The following ROBO2 variants were observed in gnomAD, a reference collection of about 807,000 sequenced individuals.
ROBO2 encodes the protein roundabout homolog 2.
A neutral mutation model predicts 160.8 loss-of-function variants in ROBO2; 53 were observed. The ratio of observed to expected loss-of-function variants is 0.33; its 90% confidence interval spans 0.26 to 0.41. The LOEUF (loss-of-function observed/expected upper bound fraction) is 0.41. Ranked by LOEUF, ROBO2 falls within the 10% of genes least tolerant of loss-of-function variation. The pLI is 1.00. For missense variants in ROBO2, 1,577 were observed against 1,722.4 expected (o/e 0.92, Z 1.49); for synonymous variants, 664 against 611.7 (o/e 1.09, Z -1.26).
chr3:76,041,154 G>A (rs1161081909), intron 2 of ROBO2, among the ~76,000 whole-genome samples: 1 of 152,018 alleles, frequency 6.6e-6, no homozygotes, highest in African/African-American at 2.4e-5. Context: ...CTGAGGCTAA[G>A]GAGATGTGTA....
intron 2 of ROBO2, among the ~76,000 whole-genome samples, chr3:76,060,188 A>G (rs912633923): frequency 3.3e-5 from 5 of 152,148 alleles, no homozygotes; most frequent in African/African-American, 9.7e-5. Flanking sequence ...CCATGCTCTT[A>G]TAATCCAAAA....
At chr3:76,777,956 C>CATAG in intron 2 of ROBO2, among the ~76,000 whole-genome samples, 1 of 151,024 alleles carries the variant, frequency 6.6e-6, no homozygotes. Context: ...AATAAGTTAC[C>CATAG]ATAGGCCCCT....
At chr3:77,129,918 C>A (rs567541649) in intron 2 of ROBO2, among the ~76,000 whole-genome samples, 31 of 152,214 alleles carry the variant, frequency 2.0e-4, no homozygotes, top group African/African-American at 7.5e-4. Context: ...CACTGGTTGT[C>A]ACATAAAATC....
intron 2 of ROBO2, among the ~76,000 whole-genome samples, chr3:76,067,038 A>G (rs546958781): frequency 6.6e-6 from 1 of 152,266 alleles, no homozygotes; most frequent in Admixed American, 6.5e-5. Context: ...CTCCAGCTCA[A>G]TGACTGTAGG....
At chr3:76,183,282 T>A (rs913849350) in intron 2 of ROBO2, among the ~76,000 whole-genome samples, 1 of 152,222 alleles carries the variant, frequency 6.6e-6, no homozygotes, top group South Asian at 2.1e-4. Flanking sequence ...CTGCAAGGCA[T>A]CTTATCACCT....
chr3:76,851,587 T>A lies in ROBO2; in HGVS notation c.110-246427T>A, dbSNP rs375845706. Reference sequence around the variant, plus strand: ...CGTCTCTACTAAAAATACAAAAAATTAGCCGGGCGCGGTGGCGGGCGCCTG... The same window carrying A: ...CGTCTCTACTAAAAATACAAAAAATAAGCCGGGCGCGGTGGCGGGCGCCTG... On this transcript the variant is annotated intron_variant, in intron 2 of 26. Coordinates refer to the ROBO2 transcript ENST00000487694. Among the ~76,000 whole-genome samples, 10 of 149,548 alleles carry A rather than the reference T, an allele frequency of 6.7e-5. No individual in the cohort carries two copies. The East Asian group carries it at 1.2e-3, about 18-fold the overall frequency.
At position 77,458,150 on chromosome 3, in the gene ROBO2, G is replaced by A. The variant is rs926841906; in HGVS notation, c.389-19264G>A. 2.0e-5 allele frequency among the ~76,000 whole-genome samples: 3 copies of A among 152,114 alleles called. No individual in the cohort carries two copies. The East Asian group carries it at 5.8e-4, about 29-fold the overall frequency. Reference sequence around the variant, plus strand: ...AAAAATTAGAGAGGGTAAATAACTTGCTCCAAATGGCATAGCTGTTAAGCA... The same window carrying A: ...AAAAATTAGAGAGGGTAAATAACTTACTCCAAATGGCATAGCTGTTAAGCA... On this transcript the variant is annotated intron_variant, in intron 2 of 25. Coordinates refer to ENST00000461745, the Ensembl canonical transcript of ROBO2.
chr3:76,691,903 G>A (rs561669954), intron 2 of ROBO2, among the ~76,000 whole-genome samples: 3 of 152,264 alleles, frequency 2.0e-5, no homozygotes, highest in South Asian at 4.1e-4. Context: ...GAACAATCAC[G>A]AGTGGAGAAG....
chr3:76,557,091 T>C (rs1374816514), intron 2 of ROBO2, among the ~76,000 whole-genome samples: 2 of 152,096 alleles, frequency 1.3e-5, no homozygotes, highest in Non-Finnish European at 2.9e-5. Context: ...GATTATTTTA[T>C]AGCTTTAAAT....
chr3:76,362,893 C>A (rs558442940), intron 2 of ROBO2, among the ~76,000 whole-genome samples: 94 of 152,130 alleles, frequency 6.2e-4, no homozygotes, highest in African/African-American at 2.0e-3. Context: ...TTACGCCAGT[C>A]ACTCACTTGT....
chr3:77,508,625 A>AGT (rs796066698), intron 5 of ROBO2, among the ~76,000 whole-genome samples: 1 of 151,842 alleles, frequency 6.6e-6, no homozygotes, highest in South Asian at 2.1e-4. Flanking sequence ...AGCTATTCAT[A>AGT]GTGTAATGAC....
intron 2 of ROBO2, among the ~76,000 whole-genome samples, chr3:77,180,414 CTCTA>C (rs1242039622): frequency 0.011 from 976 of 92,706 alleles, 10 homozygotes; most frequent in African/African-American, 0.022. Flanking sequence ...CTCTCTCTCT[CTCTA>C]TATATATATA....
In ROBO2 at chr3:76,973,154, A is replaced by G. The variant is rs566033584; in HGVS notation, c.110-124860A>G. On this transcript the variant is annotated intron_variant, in intron 2 of 26. Coordinates refer to the ROBO2 transcript ENST00000487694. ...GCTGAGACCCAAGTTCAGCTGTGTC[A>G]GAGACTACGATTTGCATCTCCTCAG... Among the ~76,000 whole-genome samples, 20 of 152,310 alleles carry G rather than the reference A, an allele frequency of 1.3e-4. No homozygotes were observed. In the South Asian group the frequency reaches 3.3e-3, roughly 25 times the overall value.
intron 2 of ROBO2, among the ~76,000 whole-genome samples, chr3:76,266,551 A>T (rs193014142): frequency 6.6e-6 from 1 of 152,274 alleles, no homozygotes; most frequent in Admixed American, 6.5e-5. Context: ...TAGAAAAAAT[A>T]TGTAAGTAAA....
At chr3:77,467,002 A>G (rs375574310) in intron 2 of ROBO2, among the ~76,000 whole-genome samples, 8 of 152,162 alleles carry the variant, frequency 5.3e-5, no homozygotes, top group African/African-American at 1.7e-4. Flanking sequence ...GAAACTGTGT[A>G]CCTCTGTGAA....
intron 2 of ROBO2, among the ~76,000 whole-genome samples, chr3:75,982,710 G>A (rs2065311497): frequency 6.6e-6 from 1 of 151,502 alleles, no homozygotes. Context: ...TTCCTAGGAT[G>A]AATGCAAAAG....
intron 2 of ROBO2, among the ~76,000 whole-genome samples, chr3:76,087,930 T>G (rs1039424051): frequency 1.2e-4 from 18 of 152,160 alleles, no homozygotes; most frequent in Non-Finnish European, 1.9e-4. Flanking sequence ...AGACAAAGAT[T>G]GTAAGAATGG....
intron 2 of ROBO2, among the ~76,000 whole-genome samples, chr3:76,651,331 T>C (rs1208709177): frequency 1.3e-5 from 2 of 152,140 alleles, no homozygotes; most frequent in East Asian, 3.9e-4. Context: ...CAACCATTGT[T>C]GTCCCTGTGA....
intron 2 of ROBO2, among the ~76,000 whole-genome samples, chr3:76,419,049 C>T (rs1227647282): frequency 6.6e-6 from 1 of 152,062 alleles, no homozygotes; most frequent in Non-Finnish European, 1.5e-5. Context: ...GTGTACCATC[C>T]ATTTCTTTTT....
Sources: gnomAD v4.1 joint callset for allele counts (sites outside exome capture counted in the v4.1 genomes callset) on GRCh38, gnomAD v4.1.1 for gene constraint, MANE v1.5 for transcripts, NCBI Gene and HGNC (gene_info 2026-07-23, HGNC 2026-07-21) for gene names.